DNAJC6: variants seen among roughly 807,000 people sequenced by gnomAD.
DNAJC6 encodes auxilin.
DNAJC6 carries 34 observed loss-of-function variants against 110.0 expected under a neutral mutation model. The observed-to-expected ratio is 0.31, with a 90% CI of 0.24 to 0.41. The LOEUF (loss-of-function observed/expected upper bound fraction) is 0.41. Ranked by LOEUF, DNAJC6 falls within the 10% of genes least tolerant of loss-of-function variation. The pLI, the probability that DNAJC6 is intolerant of heterozygous loss-of-function variation, is 1.00. For synonymous variants in DNAJC6, 406 were observed against 437.2 expected (o/e 0.93, Z 0.89); for missense variants, 1,031 against 1,207.8 (o/e 0.85, Z 2.17).
At chr1:65,394,842 A>G in intron 12 of DNAJC6, 56 bp from the exon 13 acceptor site, 1 of 1,515,558 alleles carries the variant, frequency 6.6e-7, no homozygotes. Context: ...CAATTCTGTG[A>G]CATTTAGTGA....
intron 1 of DNAJC6, among the ~76,000 whole-genome samples, chr1:65,275,384 C>T (rs1311951374): frequency 1.3e-5 from 2 of 152,314 alleles, no homozygotes; most frequent in East Asian, 3.9e-4. Flanking sequence ...TCCCCCAGCA[C>T]TTTAAAACAT....
intron 4 of DNAJC6, among the ~76,000 whole-genome samples, chr1:65,372,104 G>C (rs534165381): frequency 1.2e-3 from 177 of 151,280 alleles, no homozygotes; most frequent in African/African-American, 4.2e-3. Flanking sequence ...GAATAATTTA[G>C]CCAACTTTTA....
intron 1 of DNAJC6, chr1:65,298,695 G>A (rs1422548369): frequency 6.6e-6 from 1 of 152,036 alleles, no homozygotes; most frequent in Non-Finnish European, 1.5e-5. Context: ...AGGAACACAG[G>A]TACAGTGACA....
chr1:65,333,615 A>G (rs1390459188), intron 1 of DNAJC6, among the ~76,000 whole-genome samples: 1 of 152,152 alleles, frequency 6.6e-6, no homozygotes, highest in Non-Finnish European at 1.5e-5. Context: ...TGAAAACATG[A>G]TAGCTTTAAA....
chr1:65,395,995 C>T (rs1434639463), intron 13 of DNAJC6, among the ~76,000 whole-genome samples: 4 of 152,190 alleles, frequency 2.6e-5, no homozygotes, highest in South Asian at 4.1e-4. Context: ...GCATCCTGAG[C>T]TTGCTTGGAG....
intron 18 of DNAJC6, 96 bp downstream of exon 18, chr1:65,411,522 C>A: frequency 1.7e-6 from 2 of 1,178,800 alleles, no homozygotes; most frequent in South Asian, 1.9e-5. Context: ...TTCATATGGC[C>A]TATTTTTAAT....
intron 14 of DNAJC6, 151 bp downstream of exon 14, chr1:65,399,032 C>T: frequency 1.3e-6 from 1 of 759,244 alleles, no homozygotes; most frequent in South Asian, 1.7e-5. Context: ...AGAGCTTTTC[C>T]CAATGCACTT....
intron 1 of DNAJC6, among the ~76,000 whole-genome samples, chr1:65,289,559 T>C (rs2101221064): frequency 6.6e-6 from 1 of 152,318 alleles, no homozygotes; most frequent in East Asian, 1.9e-4. Flanking sequence ...TGAATTTTCA[T>C]GATGACTGTG....
intron 1 of DNAJC6, among the ~76,000 whole-genome samples, chr1:65,271,985 A>C (rs1020691048): frequency 6.6e-6 from 1 of 152,090 alleles, no homozygotes; most frequent in African/African-American, 2.4e-5. Context: ...GGGCCTTACT[A>C]TGTAGACCGT....
intron 1 of DNAJC6, among the ~76,000 whole-genome samples, chr1:65,281,897 C>T (rs1202717095): frequency 1.3e-5 from 2 of 152,088 alleles, no homozygotes; most frequent in South Asian, 2.1e-4. Flanking sequence ...CGTTAGCCAC[C>T]GTGCCCAGCC....
intron 1 of DNAJC6, among the ~76,000 whole-genome samples, chr1:65,333,319 C>T (rs963273320): frequency 5.3e-5 from 8 of 152,064 alleles, no homozygotes; most frequent in South Asian, 2.1e-4. Context: ...GGTGGAGAAC[C>T]GAAGTACTGA....
chr1:65,374,362 G>T (rs1645739196), intron 4 of DNAJC6, among the ~76,000 whole-genome samples: 1 of 152,040 alleles, frequency 6.6e-6, no homozygotes, highest in African/African-American at 2.4e-5. Context: ...TCTGTACATT[G>T]CTTTGGGTAG....
At position 65,394,909 on chromosome 1, in the gene DNAJC6, G is replaced by T; in HGVS notation, c.1915G>T (p.Asp639Tyr). 1.9e-6 allele frequency: 3 copies of T among 1,599,040 alleles called. No homozygotes were observed. The highest frequency in any genetic ancestry group is 2.6e-6 in the Non-Finnish European group (3 of 1,175,260). The change falls in exon 13 of 19, where the codon GAC becomes TAC. Residue 639 changes from aspartate (D) to tyrosine (Y), a missense_variant. By Grantham distance (160) the Asp-to-Tyr change is radical. Transcript: ENST00000371069. ...TLRVGEGATF[D>Y]PFGAPSKPSG... ...CCATTGTTTTCTAGGTGCCACCTTT[G>T]ACCCATTTGGAGCACCTTCTAAACC...
At chr1:65,290,416 TTC>T (rs562026217) in intron 1 of DNAJC6, among the ~76,000 whole-genome samples, 135 of 152,362 alleles carry the variant, frequency 8.9e-4, no homozygotes, top group Non-Finnish European at 1.5e-3. Flanking sequence ...TGTTTAAGAA[TTC>T]TGTTTGCGTC....
chr1:65,377,042 C>T (rs967791544), intron 4 of DNAJC6, among the ~76,000 whole-genome samples: 14 of 152,184 alleles, frequency 9.2e-5, no homozygotes, highest in Non-Finnish European at 1.2e-4. Context: ...GGATTACAGG[C>T]GTGAGCCACC....
upstream of DNAJC6, among the ~76,000 whole-genome samples, chr1:65,309,020 T>A (rs570464269): frequency 2.0e-5 from 3 of 152,222 alleles, no homozygotes; most frequent in South Asian, 4.1e-4. Flanking sequence ...ACATGCATTC[T>A]TTTTCTGTTG....
chr1:65,351,615 A>G (rs988863148), intron 1 of DNAJC6, among the ~76,000 whole-genome samples: 1 of 152,158 alleles, frequency 6.6e-6, no homozygotes, highest in African/African-American at 2.4e-5. Flanking sequence ...GTGTATGCGT[A>G]TATTTGCTAC....
At position 65,364,668 on chromosome 1, in the gene DNAJC6, G is replaced by C; in HGVS notation, c.227G>C (p.Gly76Ala). 6.2e-7 allele frequency: 1 copy of C among 1,612,622 alleles called. No homozygotes were observed. The highest frequency in any genetic ancestry group is 1.7e-5 in the Admixed American group (1 of 59,866). ...TCTCCAGACATGGAGCCCAGCTATG[G>C]GGGAGGTCTCTTTGACATGGTAAAA... is the stretch of plus-strand genomic sequence containing the variant. ...ASSPDMEPSY[G>A]GGLFDMVKGG... is the part of the protein sequence containing the mutation. Residue 76 changes from glycine (G) to alanine (A), a missense_variant, in exon 2 of 19, where the codon GGG becomes GCG. Gly to Ala is a moderately conservative substitution (Grantham distance 60). Coordinates refer to ENST00000371069, the MANE Select transcript of DNAJC6 (RefSeq NM_001256864.2).
At position 65,267,459 on chromosome 1, in the gene DNAJC6, A is replaced by G. The variant is rs573014584; in HGVS notation, c.-131+2527A>G. On this transcript the variant is annotated intron_variant, in intron 1 of 19. Coordinates refer to the DNAJC6 transcript ENST00000263441. ...TGAAATAGAACAGAAACTGTCAGAA[A>G]TCATTGCACATAGCAGAGGTAACTA... Among the ~76,000 whole-genome samples, 6 of 152,316 alleles carry G rather than the reference A, an allele frequency of 3.9e-5. No individual in the cohort carries two copies. In the East Asian group the frequency reaches 9.6e-4, roughly 24 times the overall value.
Sources: gnomAD v4.1 joint callset for allele counts (sites outside exome capture counted in the v4.1 genomes callset) on GRCh38, gnomAD v4.1.1 for gene constraint, MANE v1.5 for transcripts, NCBI Gene and HGNC (gene_info 2026-07-23, HGNC 2026-07-21) for gene names.